LRRC4C: variants seen among roughly 807,000 people sequenced by gnomAD.
LRRC4C encodes leucine-rich repeat-containing protein 4C.
In LRRC4C, 5 loss-of-function variants were observed where a neutral mutation model predicts 33.6. The ratio of observed to expected loss-of-function variants is 0.15; its 90% CI spans 0.08 to 0.31. The LOEUF (loss-of-function observed/expected upper bound fraction) is 0.31, where lower values mean the gene tolerates loss of function less well. Among genes scored for constraint, LRRC4C ranks in the 10% least tolerant of loss-of-function variants. The probability of loss-of-function intolerance (pLI) is 1.00; values close to 1 mark genes in which losing one functional copy is unlikely to be tolerated. For missense variants in LRRC4C, 560 were observed against 796.7 expected, an observed-to-expected ratio of 0.70 and a Z score of 3.58; for synonymous variants, 329 against 302.0, an observed-to-expected ratio of 1.09 and a Z score of -0.93.
At chr11:41,073,013 T>C (rs1938823728) in intron 1 of LRRC4C, among the ~76,000 whole-genome samples, 1 of 152,202 alleles carries the variant, frequency 6.6e-6, no homozygotes, top group African/African-American at 2.4e-5. Context: ...TTTGTTCCTA[T>C]AAACACTGCT....
chr11:41,379,022 G>A (rs1406641625), intron 1 of LRRC4C, among the ~76,000 whole-genome samples: 1 of 141,156 alleles, frequency 7.1e-6, no homozygotes, highest in Non-Finnish European at 1.5e-5. Flanking sequence ...GTTTTTTTCT[G>A]TATACCCCAC....
At chr11:40,124,940 A>G (rs1008503320) in intron 6 of LRRC4C, among the ~76,000 whole-genome samples, 4 of 151,798 alleles carry the variant, frequency 2.6e-5, no homozygotes, top group African/African-American at 9.7e-5. Flanking sequence ...CCTACTATGT[A>G]CCCACAATAA....
At chr11:41,154,794 T>C (rs1944153067) in intron 1 of LRRC4C, among the ~76,000 whole-genome samples, 1 of 152,148 alleles carries the variant, frequency 6.6e-6, no homozygotes, top group Admixed American at 6.6e-5. Flanking sequence ...CTCGTTTTCT[T>C]GTGAAAGGAA....
At chr11:41,259,301 A>G (rs1374733792) in intron 1 of LRRC4C, among the ~76,000 whole-genome samples, 1 of 152,064 alleles carries the variant, frequency 6.6e-6, no homozygotes, top group Non-Finnish European at 1.5e-5. Flanking sequence ...GAAAGACATC[A>G]GCACATGTGA....
intron 1 of LRRC4C, among the ~76,000 whole-genome samples, chr11:41,242,983 GA>G (rs1156883066): frequency 6.6e-6 from 1 of 152,044 alleles, no homozygotes; most frequent in Non-Finnish European, 1.5e-5. Flanking sequence ...GCTTGTAAAG[GA>G]AAAAAATTCT....
rs114085272 is a variant in LRRC4C, at chr11:40,494,078, G to A, written c.-270+154064C>T. On this transcript the variant is annotated intron_variant, in intron 3 of 6. Transcript: ENST00000528697. ...CTATATTTATCTAATGAAGGCCAAGGCTTCTGTCAAGAATCCTTCTCCATA... is the reference window on the plus strand; with the variant it reads ...CTATATTTATCTAATGAAGGCCAAGACTTCTGTCAAGAATCCTTCTCCATA... Among the ~76,000 whole-genome samples the A allele has an allele frequency of 5.0e-3, 759 of 152,144 alleles. 3 individuals carry two copies. Among genetic ancestry groups the A allele is most frequent in the African/African-American group, 0.018 (737 of 41,516 alleles).
chr11:40,555,746 A>T (rs1957309274), intron 3 of LRRC4C, among the ~76,000 whole-genome samples: 1 of 152,212 alleles, frequency 6.6e-6, no homozygotes, highest in Admixed American at 6.5e-5. Context: ...ACCACAGATA[A>T]GCAAAAAAGC....
intron 3 of LRRC4C, among the ~76,000 whole-genome samples, chr11:40,552,958 T>C (rs901463543): frequency 2.0e-5 from 3 of 152,140 alleles, no homozygotes; most frequent in Non-Finnish European, 4.4e-5. Flanking sequence ...AAATTTGTTA[T>C]GCATATACCT....
At chr11:41,245,003 A>G (rs773365987) in intron 1 of LRRC4C, among the ~76,000 whole-genome samples, 1 of 152,038 alleles carries the variant, frequency 6.6e-6, no homozygotes, top group Non-Finnish European at 1.5e-5. Context: ...AATGGAATGG[A>G]CTCTGGAGTC....
chr11:40,834,748 C>T (rs1242045941), intron 2 of LRRC4C, among the ~76,000 whole-genome samples: 3 of 152,092 alleles, frequency 2.0e-5, no homozygotes, highest in African/African-American at 7.2e-5. Context: ...CAATAGGAAG[C>T]TACTATTTTT....
intron 5 of LRRC4C, among the ~76,000 whole-genome samples, chr11:40,157,559 G>C (rs1590560422): frequency 6.6e-6 from 1 of 151,904 alleles, no homozygotes; most frequent in Non-Finnish European, 1.5e-5. Context: ...ATACAAATCA[G>C]TAAGAAAAAA....
intron 1 of LRRC4C, among the ~76,000 whole-genome samples, chr11:41,310,946 A>C (rs1308059029): frequency 6.6e-6 from 1 of 152,242 alleles, no homozygotes; most frequent in South Asian, 2.1e-4. Context: ...TAAATTTAAA[A>C]GACAATATAG....
At chr11:40,235,651 C>CA (rs1865503405) in intron 5 of LRRC4C, among the ~76,000 whole-genome samples, 1 of 152,000 alleles carries the variant, frequency 6.6e-6, no homozygotes. Flanking sequence ...GAAAAACTTT[C>CA]AAAAAATGGT....
chr11:41,277,610 C>T (rs896929599), intron 1 of LRRC4C, among the ~76,000 whole-genome samples: 1 of 152,096 alleles, frequency 6.6e-6, no homozygotes, highest in Non-Finnish European at 1.5e-5. Context: ...GTCTGTAGTA[C>T]AAGCCCAAAT....
rs1414898038 is a variant in LRRC4C at position 40,726,105 on chromosome 11, GC to G, written c.-406-77828del. On this transcript the variant is annotated intron_variant, in intron 2 of 6. Transcript: ENST00000528697. Reference sequence around the variant, plus strand: ...AAATTAAATCAGGAAGAGATTGAAAGCCTGAAAAGACCAATAGTGAGTTCTG... The same window carrying G: ...AAATTAAATCAGGAAGAGATTGAAAGCTGAAAAGACCAATAGTGAGTTCTG... 4.6e-5 allele frequency among the ~76,000 whole-genome samples: 7 copies of G among 151,146 alleles called. No individual in the cohort carries two copies. In the South Asian group the frequency reaches 1.5e-3, roughly 32 times the overall value.
chr11:40,774,638 C>T (rs1480299566), intron 2 of LRRC4C, among the ~76,000 whole-genome samples: 1 of 152,090 alleles, frequency 6.6e-6, no homozygotes, highest in African/African-American at 2.4e-5. Flanking sequence ...ATCATCAAAA[C>T]CATAAGCAGG....
intron 2 of LRRC4C, among the ~76,000 whole-genome samples, chr11:40,657,733 T>C (rs985406635): frequency 1.3e-5 from 2 of 152,140 alleles, no homozygotes; most frequent in African/African-American, 2.4e-5. Context: ...ACCCAGACTG[T>C]GCCCCGACCA....
At chr11:40,442,524 A>G (rs1951444263) in intron 3 of LRRC4C, among the ~76,000 whole-genome samples, 2 of 152,252 alleles carry the variant, frequency 1.3e-5, no homozygotes, top group African/African-American at 4.8e-5. Context: ...AATCAAATAC[A>G]ATGGAACCAG....
At chr11:40,536,286 T>G (rs571762233) in intron 3 of LRRC4C, among the ~76,000 whole-genome samples, 5 of 152,182 alleles carry the variant, frequency 3.3e-5, no homozygotes, top group African/African-American at 1.2e-4. Flanking sequence ...CTCCGCCTCC[T>G]GGGTTCAAGC....
Sources: gnomAD v4.1 joint callset for allele counts (sites outside exome capture counted in the v4.1 genomes callset) on GRCh38, gnomAD v4.1.1 for gene constraint, MANE v1.5 for transcripts, NCBI Gene and HGNC (gene_info 2026-07-23, HGNC 2026-07-21) for gene names.